The following DST variants were observed in gnomAD, a reference collection of about 807,000 sequenced individuals.
The protein encoded by DST is dystonin.
Under a neutral mutation model 875.2 loss-of-function variants are expected in DST, and 253 were observed. That is an observed-to-expected ratio of 0.29 (90% confidence interval 0.26 to 0.32). The LOEUF is 0.32. Ranked by LOEUF, DST falls within the 10% of genes least tolerant of loss-of-function variation. DST has a pLI of 1.00. For synonymous variants in DST, 3,124 were observed against 3,197.1 expected (o/e 0.98, Z 0.77); for missense variants, 8,287 against 9,111.6 (o/e 0.91, Z 3.68).
chr6:56,746,561 G>GA (rs1027147942), intron 4 of DST, among the ~76,000 whole-genome samples: 4 of 151,666 alleles, frequency 2.6e-5, no homozygotes, highest in South Asian at 2.1e-4. Flanking sequence ...CAAGATCAGT[G>GA]AAAAAAAATG....
In DST at chr6:56,477,461, T is replaced by C. The variant is rs1233570458; in HGVS notation, c.21559A>G (p.Arg7187Gly). 1.2e-6 allele frequency: 2 copies of C among 1,613,994 alleles called. No individual in the cohort carries two copies. Among genetic ancestry groups the C allele is most frequent in the South Asian group, 1.1e-5 (1 of 91,076 alleles). Residue 7187 changes from arginine (R) to glycine (G), a missense_variant, in exon 91 of 104, where the codon AGA becomes GGA. By Grantham distance (125) the Arg-to-Gly change is moderately radical. This residue lies in a region of DST where 1,292 missense variants were observed against 1,552.7 expected (regional missense o/e 0.83). Coordinates refer to ENST00000680361, the MANE Select transcript of DST (RefSeq NM_001374736.1). ...GTGGTGGCTTTATTTAGTTCAGCTC[T>C]CTTTTCTTCCAGTTTCTTCATGAAT... Reference protein sequence around the residue: ...KEFMKKLEEKRAELNKATTMG... With the variant: ...KEFMKKLEEKGAELNKATTMG...
chr6:56,654,555 C>T (rs2098993457), intron 10 of DST, among the ~76,000 whole-genome samples: 2 of 143,096 alleles, frequency 1.4e-5, no homozygotes, highest in South Asian at 4.2e-4. Flanking sequence ...TTTCATACAA[C>T]ACCCATCTTA....
At chr6:56,675,436 A>T (rs2099123620) in intron 9 of DST, among the ~76,000 whole-genome samples, 2 of 152,246 alleles carry the variant, frequency 1.3e-5, no homozygotes, top group Non-Finnish European at 1.5e-5. Flanking sequence ...GCTTCTGCAC[A>T]GCCAAAGAAA....
chr6:56,784,787 G>A (rs562286494), intron 4 of DST, among the ~76,000 whole-genome samples: 4 of 152,322 alleles, frequency 2.6e-5, no homozygotes, highest in Non-Finnish European at 5.9e-5. Flanking sequence ...TTCCTTTGGA[G>A]GAGGAGAGGC....
chr6:56,724,482 G>A (rs1352217375), intron 5 of DST, among the ~76,000 whole-genome samples: 1 of 152,214 alleles, frequency 6.6e-6, no homozygotes, highest in African/African-American at 2.4e-5. Context: ...TGCTCTTGTA[G>A]AAAACCTAAG....
chr6:56,698,369 A>G (rs1337145021), intron 9 of DST, among the ~76,000 whole-genome samples: 1 of 151,368 alleles, frequency 6.6e-6, no homozygotes, highest in Non-Finnish European at 1.5e-5. Context: ...TCTGTTGCCC[A>G]GGCTGGAGTG....
intron 4 of DST, among the ~76,000 whole-genome samples, chr6:56,777,466 T>C (rs1029863208): frequency 2.0e-5 from 3 of 152,012 alleles, no homozygotes; most frequent in African/African-American, 7.3e-5. Flanking sequence ...GTCATGCAAG[T>C]GGGACAGCCT....
intron 4 of DST, among the ~76,000 whole-genome samples, chr6:56,744,994 C>G (rs1195642941): frequency 1.3e-5 from 2 of 152,164 alleles, no homozygotes; most frequent in Non-Finnish European, 2.9e-5. Context: ...ATCCACTCAT[C>G]TGTGACTTAT....
intron 3 of DST, among the ~76,000 whole-genome samples, chr6:56,860,947 T>C (rs138767761): frequency 2.6e-4 from 40 of 152,240 alleles, no homozygotes; most frequent in African/African-American, 9.4e-4. Context: ...TTTAAATTCA[T>C]TGTCTCCATT....
chr6:56,738,003 A>G (rs1262930346), intron 4 of DST, among the ~76,000 whole-genome samples: 2 of 152,250 alleles, frequency 1.3e-5, no homozygotes, highest in African/African-American at 2.4e-5. Context: ...AAGACTACTC[A>G]GTGATAGTAT....
intron 49 of DST, among the ~76,000 whole-genome samples, chr6:56,588,154 T>C (rs1199674643): frequency 6.6e-6 from 1 of 152,194 alleles, no homozygotes; most frequent in Non-Finnish European, 1.5e-5. Flanking sequence ...TAAAATCTCT[T>C]AGTAGTCTCC....
rs1554529510 is a variant in DST at position 56,631,944 on chromosome 6, A to G, written c.3902T>C (p.Ile1301Thr). 3 of 1,613,920 alleles carry G rather than the reference A, an allele frequency of 1.9e-6. No individual in the cohort carries two copies. The highest frequency in any genetic ancestry group is 2.5e-6 in the Non-Finnish European group (3 of 1,179,842). The change falls in exon 29 of 104, where the codon ATT (isoleucine) becomes ACT (threonine). Residue 1301 changes from isoleucine to threonine, a missense_variant. Transcript: ENST00000680361. ...ENCEDRLIRQ[I>T]RTPLERDDLH... ...ATCATCTCTTTCCAGGGGAGTTCGAATCTGTCTAATCAGCCGATCTTCACA... is the reference window on the plus strand; with the variant it reads ...ATCATCTCTTTCCAGGGGAGTTCGAGTCTGTCTAATCAGCCGATCTTCACA...
In DST at chr6:56,618,524, G is replaced by T. The variant is rs778893788; in HGVS notation, c.4930-4040C>A. On this transcript the variant is annotated intron_variant, in intron 36 of 103. Coordinates refer to ENST00000680361, the MANE Select transcript of DST (RefSeq NM_001374736.1). The stretch of plus-strand genomic sequence containing the variant: ...CAGGTTTTCAACCTCACGCTTCTGG[G>T]CTATCAGCTCATCCTCAAGTTTCTG... The T allele has an allele frequency of 7.4e-6, 12 of 1,614,066 alleles. No homozygotes were observed. Among genetic ancestry groups the T allele is most frequent in the Non-Finnish European group, 1.0e-5 (12 of 1,180,024 alleles).
chr6:56,806,286 C>T (rs1322706450), intron 4 of DST, among the ~76,000 whole-genome samples: 1 of 152,088 alleles, frequency 6.6e-6, no homozygotes, highest in African/African-American at 2.4e-5. Context: ...CAAAATACTC[C>T]AGTGGAAAAT....
chr6:56,487,366 T>A (rs773669518), intron 86 of DST, 93 bp from the exon 87 acceptor site: 8 of 1,130,844 alleles, frequency 7.1e-6, no homozygotes, highest in Non-Finnish European at 9.7e-6. Flanking sequence ...TAAATGGAGA[T>A]GAATTATAGA....
chr6:56,704,320 T>C lies in DST; in HGVS notation c.737A>G (p.Asn246Ser), dbSNP rs762604747. ...DLYEDLRDGH[N>S]LISLLEVLSG... ...AAGAACCTCTAAAAGAGAAATCAAA[T>C]TGTGTCCATCCCTTAAGTCTTCATA... The change falls in exon 6 of 104, where the codon AAT becomes AGT. Residue 246 changes from asparagine (N) to serine (S), a missense_variant. By Grantham distance (46) the Asn-to-Ser change is conservative (BLOSUM62 1). Around this residue, in one of 10 missense-constraint regions of DST, gnomAD observed 1,160 missense variants for 1,424.3 expected, o/e 0.81. Transcript: ENST00000680361. 3.2e-6 allele frequency: 5 copies of C among 1,575,858 alleles called. No individual in the cohort carries two copies. The highest frequency in any genetic ancestry group is 1.7e-4 in the Middle Eastern group (1 of 6,018).
chr6:56,589,302 C>A (rs775763984), intron 49 of DST, among the ~76,000 whole-genome samples: 1 of 152,146 alleles, frequency 6.6e-6, no homozygotes, highest in Non-Finnish European at 1.5e-5. Flanking sequence ...TTACTCTTGA[C>A]AATTATATTC....
At chr6:56,507,650 G>A (rs1235870396) in intron 75 of DST, among the ~76,000 whole-genome samples, 4 of 152,182 alleles carry the variant, frequency 2.6e-5, no homozygotes, top group Admixed American at 6.6e-5. Context: ...AGGCACTGAC[G>A]CTAGAAAGAG....
intron 4 of DST, among the ~76,000 whole-genome samples, chr6:56,847,033 T>C (rs1371896783): frequency 2.8e-5 from 4 of 145,226 alleles, no homozygotes; most frequent in Admixed American, 6.9e-5. Context: ...AAAAGTGAAG[T>C]TGGCCAGGCC....
Sources: gnomAD v4.1 joint callset for allele counts (sites outside exome capture counted in the v4.1 genomes callset) on GRCh38, gnomAD v4.1.1 for gene constraint, gnomAD v4.1.1 regional missense constraint, MANE v1.5 for transcripts, NCBI Gene and HGNC (gene_info 2026-07-23, HGNC 2026-07-21) for gene names.